Variants in ZNF804B observed in about 807,000 individuals in gnomAD.
ZNF804B encodes zinc finger protein 804B.
Under a neutral mutation model 101.4 loss-of-function variants are expected in ZNF804B, and 80 were observed. The ratio of observed to expected loss-of-function variants is 0.79; its 90% confidence interval spans 0.66 to 0.95. The LOEUF is 0.95. Among genes scored for constraint, ZNF804B ranks in the 40% least tolerant of loss-of-function variants. The pLI, the probability that ZNF804B is intolerant of heterozygous loss-of-function variation, is 0.00. For synonymous variants in ZNF804B, 622 were observed against 558.8 expected (o/e 1.11, Z -1.59); for missense variants, 1,673 against 1,561.9 (o/e 1.07, Z -1.20).
chr7:88,770,167 A>C (rs551104401), intron 1 of ZNF804B, among the ~76,000 whole-genome samples: 50 of 152,310 alleles, frequency 3.3e-4, no homozygotes, highest in Admixed American at 2.4e-3. Flanking sequence ...GATTAATGAT[A>C]TCCCCAAAGA....
chr7:89,219,854 GTA>G (rs1272431698), intron 2 of ZNF804B, among the ~76,000 whole-genome samples: 1 of 135,906 alleles, frequency 7.4e-6, no homozygotes, highest in African/African-American at 2.7e-5. Flanking sequence ...GTATATATAT[GTA>G]TATATGTGTG....
At chr7:89,211,206 T>A (rs1271241586) in intron 1 of ZNF804B, among the ~76,000 whole-genome samples, 3 of 152,156 alleles carry the variant, frequency 2.0e-5, no homozygotes, top group Non-Finnish European at 4.4e-5. Flanking sequence ...TTTTTTCTTG[T>A]TAATTCGTTT....
chr7:89,210,914 T>G (rs2115677656), intron 1 of ZNF804B, among the ~76,000 whole-genome samples: 1 of 152,354 alleles, frequency 6.6e-6, no homozygotes, highest in African/African-American at 2.4e-5. Flanking sequence ...TTTGATGAAT[T>G]ACTACACTGT....
chr7:89,065,166 A>T (rs1310722757), intron 1 of ZNF804B, among the ~76,000 whole-genome samples: 1 of 152,156 alleles, frequency 6.6e-6, no homozygotes, highest in African/African-American at 2.4e-5. Context: ...CCTCTAGGTC[A>T]TGTGAGCAAG....
At chr7:88,888,100 T>G (rs2115923363) in intron 1 of ZNF804B, among the ~76,000 whole-genome samples, 1 of 152,186 alleles carries the variant, frequency 6.6e-6, no homozygotes, top group South Asian at 2.1e-4. Flanking sequence ...TTTTAAAAAT[T>G]TAGTTTTATG....
intron 1 of ZNF804B, among the ~76,000 whole-genome samples, chr7:88,948,237 A>C (rs1793167166): frequency 6.6e-6 from 1 of 151,470 alleles, no homozygotes; most frequent in South Asian, 2.1e-4. Context: ...AGTCCTAAAA[A>C]ACCCTAGTTG....
chr7:89,086,753 A>G (rs1789808543), intron 1 of ZNF804B, among the ~76,000 whole-genome samples: 1 of 151,994 alleles, frequency 6.6e-6, no homozygotes, highest in South Asian at 2.1e-4. Context: ...AGAGTTTGCT[A>G]AAGTGAGATC....
At chr7:88,880,213 A>C (rs1024336596) in intron 1 of ZNF804B, among the ~76,000 whole-genome samples, 1 of 152,198 alleles carries the variant, frequency 6.6e-6, no homozygotes, top group Non-Finnish European at 1.5e-5. Flanking sequence ...AATTTGCTAT[A>C]AAGAGGCTGA....
At chr7:88,788,453 C>G (rs1208954090) in intron 1 of ZNF804B, among the ~76,000 whole-genome samples, 1 of 152,102 alleles carries the variant, frequency 6.6e-6, no homozygotes, top group Non-Finnish European at 1.5e-5. Context: ...TCTTTTCATT[C>G]AGATCTCAGT....
At chr7:89,280,940 G>T (rs1562935878) in intron 2 of ZNF804B, among the ~76,000 whole-genome samples, 1 of 152,052 alleles carries the variant, frequency 6.6e-6, no homozygotes, top group Non-Finnish European at 1.5e-5. Flanking sequence ...ATATTTTAAT[G>T]TCTGTAACAT....
intron 1 of ZNF804B, among the ~76,000 whole-genome samples, chr7:88,771,946 G>A (rs1790071693): frequency 6.6e-6 from 1 of 152,092 alleles, no homozygotes; most frequent in Admixed American, 6.6e-5. Flanking sequence ...TGAAATTTAT[G>A]TGAAAATAAT....
chr7:88,909,221 A>G (rs1019855445), intron 1 of ZNF804B, among the ~76,000 whole-genome samples: 4 of 151,824 alleles, frequency 2.6e-5, no homozygotes, highest in Non-Finnish European at 4.4e-5. Context: ...CGTTAGGAAG[A>G]TGATTATAAT....
intron 1 of ZNF804B, among the ~76,000 whole-genome samples, chr7:89,215,883 C>CAAAATAAATAAA (rs1554379473): frequency 0.044 from 6,266 of 143,060 alleles, 246 homozygotes; most frequent in Non-Finnish European, 0.048. Flanking sequence ...GACTCCGTCT[C>CAAAATAAATAAA]TAAATAAATA....
chr7:89,205,954 A>T (rs532837470), intron 1 of ZNF804B, among the ~76,000 whole-genome samples: 2 of 152,182 alleles, frequency 1.3e-5, no homozygotes, highest in Non-Finnish European at 2.9e-5. Flanking sequence ...AGGCATTTCC[A>T]TACATCCTCT....
At chr7:89,018,434 C>T (rs1476497110) in intron 1 of ZNF804B, among the ~76,000 whole-genome samples, 1 of 151,262 alleles carries the variant, frequency 6.6e-6, no homozygotes, top group Non-Finnish European at 1.5e-5. Flanking sequence ...TTGAGGATTG[C>T]ATCCATGCTC....
chr7:89,002,226 G>A (rs1788301073), intron 1 of ZNF804B, among the ~76,000 whole-genome samples: 1 of 151,706 alleles, frequency 6.6e-6, no homozygotes, highest in Non-Finnish European at 1.5e-5. Flanking sequence ...AAAGATTTGT[G>A]AGTACAATTT....
chr7:89,253,966 G>A (rs887954411), intron 2 of ZNF804B, among the ~76,000 whole-genome samples: 1 of 151,868 alleles, frequency 6.6e-6, no homozygotes, highest in African/African-American at 2.4e-5. Context: ...GAAAACCTTA[G>A]GAAACTAAAA....
At chr7:88,947,648 A>G (rs1215986291) in intron 1 of ZNF804B, among the ~76,000 whole-genome samples, 6 of 151,974 alleles carry the variant, frequency 3.9e-5, no homozygotes. Flanking sequence ...CTGTATATGT[A>G]TCACAGAACT....
chr7:88,909,529 T>G (rs1258328445), intron 1 of ZNF804B, among the ~76,000 whole-genome samples: 1 of 151,814 alleles, frequency 6.6e-6, no homozygotes, highest in Admixed American at 6.6e-5. Context: ...AGACTTCATT[T>G]TATTTCCTAG....
Sources: gnomAD v4.1 joint callset for allele counts (sites outside exome capture counted in the v4.1 genomes callset) on GRCh38, gnomAD v4.1.1 for gene constraint, MANE v1.5 for transcripts, NCBI Gene and HGNC (gene_info 2026-07-23, HGNC 2026-07-21) for gene names.